The following CHD9 variants were observed in gnomAD, a reference collection of about 807,000 sequenced individuals.
CHD9 encodes chromodomain helicase DNA binding protein 9.
In CHD9, 77 loss-of-function variants were observed where a neutral mutation model predicts 316.1. That is an observed-to-expected ratio of 0.24 (90% CI 0.20 to 0.29). The LOEUF is 0.29. Among genes scored for constraint, CHD9 ranks in the 10% least tolerant of loss-of-function variants. The pLI is 1.00. For synonymous variants in CHD9, 1,129 were observed against 1,158.3 expected (o/e 0.97, Z 0.51); for missense variants, 2,763 against 3,438.1 (o/e 0.80, Z 4.91).
intron 3 of CHD9, among the ~76,000 whole-genome samples, chr16:53,210,723 C>G (rs1045629515): frequency 1.3e-5 from 2 of 151,932 alleles, no homozygotes; most frequent in African/African-American, 4.8e-5. Flanking sequence ...TCTTCATTTG[C>G]TCAGAAATTG....
At chr16:53,322,245 C>T (rs2057326209) in intron 38 of CHD9, among the ~76,000 whole-genome samples, 1 of 151,580 alleles carries the variant, frequency 6.6e-6, no homozygotes, top group Non-Finnish European at 1.5e-5. Flanking sequence ...GATCCACCCA[C>T]CTCAGCCTCC....
Position 53,177,289 on chromosome 16 carries a change from C to G in CHD9, c.1452+19748C>G, listed in dbSNP as rs149984633. On this transcript the variant is annotated intron_variant, in intron 2 of 38. Transcript: ENST00000447540. ...AATATATACATGAAGAAACTAGGTTCTAGGTACTATAGCTTCTAAGTCACA... is the reference window on the plus strand; with the variant it reads ...AATATATACATGAAGAAACTAGGTTGTAGGTACTATAGCTTCTAAGTCACA... Among the ~76,000 whole-genome samples the G allele has an allele frequency of 1.2e-3, 186 of 152,242 alleles. 1 individual carries two copies. The highest frequency in any genetic ancestry group is 4.4e-3 in the African/African-American group (181 of 41,556).
intron 2 of CHD9, among the ~76,000 whole-genome samples, chr16:53,158,638 T>G (rs2041692738): frequency 6.6e-6 from 1 of 152,186 alleles, no homozygotes; most frequent in Non-Finnish European, 1.5e-5. Flanking sequence ...TTTTTGTTTT[T>G]TTTTAATTTT....
intron 24 of CHD9, among the ~76,000 whole-genome samples, chr16:53,284,738 T>G (rs2053713480): frequency 6.6e-6 from 1 of 152,316 alleles, no homozygotes; most frequent in Non-Finnish European, 1.5e-5. Context: ...CATTCTATTA[T>G]TTATTTACAA....
rs1433267427 is a variant in CHD9, at chr16:53,249,944, C to T, written c.3739C>T (p.Pro1247Ser). 1 of 1,613,654 alleles carries T rather than the reference C, an allele frequency of 6.2e-7. No individual in the cohort carries two copies. The highest frequency in any genetic ancestry group is 1.7e-5 in the Admixed American group (1 of 59,998). ...AGCTGCTATAGATAGATTTAGTAAACCTGATTCAGATAGATTTGTTTTTCT... is the reference window on the plus strand; with the variant it reads ...AGCTGCTATAGATAGATTTAGTAAATCTGATTCAGATAGATTTGTTTTTCT... ...RQAAIDRFSK[P>S]DSDRFVFLLC... Residue 1247 changes from proline (P) to serine (S), a missense_variant, in exon 17 of 39, where the codon CCT becomes TCT. This residue lies in a region of CHD9 where 39 missense variants were observed against 40.4 expected (regional missense o/e 0.97). Transcript: ENST00000447540.
chr16:53,148,292 G>A (rs189939323), intron 1 of CHD9, among the ~76,000 whole-genome samples: 153 of 152,294 alleles, frequency 1.0e-3, no homozygotes, highest in African/African-American at 3.5e-3. Context: ...CACCTAGGCA[G>A]AAGTGCAGTG....
chr16:53,322,467 C>T (rs999534669), intron 38 of CHD9, among the ~76,000 whole-genome samples: 1 of 151,626 alleles, frequency 6.6e-6, no homozygotes, highest in Non-Finnish European at 1.5e-5. Context: ...ATTAGCCAGG[C>T]AGTAGTCCCA....
chr16:53,217,844 C>G (rs1455254489), intron 3 of CHD9, among the ~76,000 whole-genome samples: 1 of 151,488 alleles, frequency 6.6e-6, no homozygotes, highest in Non-Finnish European at 1.5e-5. Context: ...AGGCTCAAGT[C>G]TTCTCCCACT....
At chr16:53,323,375 T>C (rs1038155928) in intron 38 of CHD9, among the ~76,000 whole-genome samples, 1 of 152,230 alleles carries the variant, frequency 6.6e-6, no homozygotes, top group Non-Finnish European at 1.5e-5. Flanking sequence ...GTTCCAGTGA[T>C]TCTAAACTCT....
chr16:53,229,221 G>A (rs1597532361), intron 8 of CHD9, 121 bp downstream of exon 8: 2 of 528,758 alleles, frequency 3.8e-6, no homozygotes, highest in East Asian at 6.1e-5. Context: ...GAATACAAAT[G>A]CTACCTAAAT....
At chr16:53,153,679 C>CT (rs2041292735) in intron 1 of CHD9, among the ~76,000 whole-genome samples, 1 of 152,038 alleles carries the variant, frequency 6.6e-6, no homozygotes, top group Non-Finnish European at 1.5e-5. Context: ...CAGGAATGCA[C>CT]TATGCCTGGC....
intron 1 of CHD9, among the ~76,000 whole-genome samples, chr16:53,077,416 T>G (rs1192046535): frequency 6.6e-6 from 1 of 152,138 alleles, no homozygotes; most frequent in Non-Finnish European, 1.5e-5. Context: ...CTCTGCCTTC[T>G]GGGTTCATGC....
intron 2 of CHD9, among the ~76,000 whole-genome samples, chr16:53,191,797 G>T (rs1350020430): frequency 6.6e-6 from 1 of 152,010 alleles, no homozygotes; most frequent in East Asian, 1.9e-4. Flanking sequence ...GTCAGAATGG[G>T]GTTACTGGGT....
intron 1 of CHD9, among the ~76,000 whole-genome samples, chr16:53,084,960 G>A (rs1596924481): frequency 6.6e-6 from 1 of 152,308 alleles, no homozygotes; most frequent in East Asian, 1.9e-4. Flanking sequence ...GGGGGTGCTC[G>A]GGTAAACTTG....
chr16:53,105,348 A>G (rs2037256434), intron 1 of CHD9, among the ~76,000 whole-genome samples: 2 of 152,174 alleles, frequency 1.3e-5, no homozygotes, highest in South Asian at 4.1e-4. Flanking sequence ...ATAAGCAAAT[A>G]CGGTTTTATG....
intron 1 of CHD9, among the ~76,000 whole-genome samples, chr16:53,091,532 T>C: frequency 6.6e-6 from 1 of 152,286 alleles, no homozygotes; most frequent in Non-Finnish European, 1.5e-5. Context: ...GCCGTCTCCT[T>C]TTGCTCATCC....
At chr16:53,138,377 T>C (rs914620135) in intron 1 of CHD9, among the ~76,000 whole-genome samples, 1 of 152,234 alleles carries the variant, frequency 6.6e-6, no homozygotes, top group Non-Finnish European at 1.5e-5. Flanking sequence ...GTGTCAGGTT[T>C]GATTTAATTT....
chr16:53,250,852 G>T (rs560620051), intron 17 of CHD9, among the ~76,000 whole-genome samples: 3 of 151,676 alleles, frequency 2.0e-5, no homozygotes, highest in Non-Finnish European at 4.4e-5. Context: ...AAGTGTAGTC[G>T]TGAGAAGGGG....
chr16:53,076,523 C>T lies in CHD9; in HGVS notation c.-165+21446C>T, dbSNP rs140705453. Among the ~76,000 whole-genome samples the T allele has an allele frequency of 4.6e-3, 702 of 151,794 alleles. 6 individuals carry two copies. The highest frequency in any genetic ancestry group is 0.016 in the African/African-American group (678 of 41,386). ...CCAGGAGGCAGAGGTTGCAATGAGC[C>T]GAGATCATGCCAGGGCACTCCAGCC... On this transcript the variant is annotated intron_variant, in intron 1 of 38. Transcript: ENST00000447540.
Sources: gnomAD v4.1 joint callset for allele counts (sites outside exome capture counted in the v4.1 genomes callset) on GRCh38, gnomAD v4.1.1 for gene constraint, gnomAD v4.1.1 regional missense constraint, MANE v1.5 for transcripts, NCBI Gene and HGNC (gene_info 2026-07-23, HGNC 2026-07-21) for gene names.